Variants in LRP1B observed in about 807,000 individuals in gnomAD.
The protein encoded by LRP1B is low-density lipoprotein receptor-related protein 1B.
A neutral mutation model predicts 556.6 loss-of-function variants in LRP1B; 217 were observed. That is an observed-to-expected ratio of 0.39 (90% CI 0.35 to 0.44). LRP1B has a LOEUF of 0.44. Among genes scored for constraint, LRP1B ranks in the 20% least tolerant of loss-of-function variants. The pLI is 1.00. For missense variants in LRP1B, 5,053 were observed against 5,620.8 expected, an observed-to-expected ratio of 0.90 and a Z score of 3.23; for synonymous variants, 2,047 against 1,865.8, an observed-to-expected ratio of 1.10 and a Z score of -2.50.
rs781736067 is a variant in LRP1B, at chr2:140,234,836, C to G, written c.13609G>C (p.Ala4537Pro). The change falls in exon 90 of 91, where the codon GCG becomes CCG. Residue 4537 changes from alanine (A) to proline (P), a missense_variant. By Grantham distance (27) the Ala-to-Pro change is conservative. Around this residue, in one of 5 missense-constraint regions of LRP1B, gnomAD observed 551 missense variants for 592.0 expected, o/e 0.93. Coordinates refer to ENST00000389484, the MANE Select transcript of LRP1B (RefSeq NM_018557.3). ...GPSAFKLPHT[A>P]PPIYLNSDLK... ...TCAGAGTTTAGGTAGATGGGCGGCG[C>G]TGTGTGTGGAAGCTTGAAAGCACTG... is the stretch of plus-strand genomic sequence containing the variant. 1.0e-5 allele frequency: 8 copies of G among 775,752 alleles called. No homozygotes were observed. The East Asian group carries it at 1.5e-4, about 14-fold the overall frequency. 48.1% of individuals were successfully genotyped at this position (775,752 alleles called of 1,614,324 possible).
chr2:141,470,039 C>T (rs1682400276), intron 3 of LRP1B, among the ~76,000 whole-genome samples: 1 of 151,124 alleles, frequency 6.6e-6, no homozygotes, highest in South Asian at 2.2e-4. Flanking sequence ...ATAGAAAAAA[C>T]ATAGTCTGTA....
chr2:140,782,333 T>G (rs1003113667), intron 32 of LRP1B, among the ~76,000 whole-genome samples: 3 of 152,210 alleles, frequency 2.0e-5, no homozygotes, highest in Admixed American at 6.5e-5. Context: ...ATTTAATAAT[T>G]AAGTCTAAAC....
chr2:140,296,947 G>A (rs1385025181), intron 84 of LRP1B, among the ~76,000 whole-genome samples: 1 of 152,040 alleles, frequency 6.6e-6, no homozygotes, highest in Non-Finnish European at 1.5e-5. Flanking sequence ...AGTAAAATAA[G>A]GTTATTACAA....
At chr2:141,350,002 T>A (rs557512133) in intron 3 of LRP1B, among the ~76,000 whole-genome samples, 2 of 151,704 alleles carry the variant, frequency 1.3e-5, no homozygotes, top group African/African-American at 4.8e-5. Context: ...TGCCAGAAGG[T>A]GAAAACCACA....
chr2:141,106,637 A>T (rs1199238745), intron 7 of LRP1B, among the ~76,000 whole-genome samples: 1 of 152,146 alleles, frequency 6.6e-6, no homozygotes, highest in Non-Finnish European at 1.5e-5. Context: ...GTTTATCATG[A>T]CCTGTGCAGC....
At chr2:142,031,336 T>TCTAAAAAAAAAATGACATATTGTCAAC (rs1415365311) in intron 1 of LRP1B, among the ~76,000 whole-genome samples, 4 of 137,230 alleles carry the variant, frequency 2.9e-5, no homozygotes, top group East Asian at 2.4e-4. Flanking sequence ...ACTTATTTTT[T>TCTAAAAAAAAAATGACATATTGTCAAC]TTTTTTTTTT....
chr2:140,838,675 G>A (rs1691999642), intron 31 of LRP1B, among the ~76,000 whole-genome samples: 1 of 151,882 alleles, frequency 6.6e-6, no homozygotes, highest in Admixed American at 6.6e-5. Context: ...GTATTCAATT[G>A]AAACAAAATA....
At chr2:141,485,858 C>T (rs934229511) in intron 2 of LRP1B, among the ~76,000 whole-genome samples, 1 of 152,046 alleles carries the variant, frequency 6.6e-6, no homozygotes, top group Non-Finnish European at 1.5e-5. Context: ...TTGAACATTT[C>T]ACAGCCAGAG....
chr2:140,737,203 A>G (rs934851452), intron 35 of LRP1B, among the ~76,000 whole-genome samples: 2 of 152,146 alleles, frequency 1.3e-5, no homozygotes, highest in African/African-American at 4.8e-5. Context: ...AGGGAGAAGG[A>G]CCTTGCAACA....
chr2:141,515,595 A>T (rs1684284429), intron 2 of LRP1B, among the ~76,000 whole-genome samples: 2 of 152,032 alleles, frequency 1.3e-5, no homozygotes, highest in African/African-American at 4.8e-5. Context: ...TCATCTGACC[A>T]CTTACTCTAG....
chr2:141,797,071 C>A (rs1049256668), intron 2 of LRP1B, among the ~76,000 whole-genome samples: 1 of 147,154 alleles, frequency 6.8e-6, no homozygotes, highest in Admixed American at 6.9e-5. Context: ...GGATATAATT[C>A]TGTGACTCAT....
rs1687145899 is a variant in LRP1B, at chr2:140,457,366, T to A, written c.9814+97A>T. ...AAATAATTAAATCTAGTAATCTTCA[T>A]CAAAAATAAAATTACATTTAACCTT... is the stretch of plus-strand genomic sequence containing the variant. On this transcript the variant is annotated intron_variant, in intron 61 of 90. Coordinates refer to ENST00000389484, the MANE Select transcript of LRP1B (RefSeq NM_018557.3). 33 of 991,780 alleles carry A rather than the reference T, an allele frequency of 3.3e-5. 2 individuals carry two copies. In the South Asian group the frequency reaches 5.2e-4, roughly 16 times the overall value. The allele number at this position is 991,780 out of a possible 1,614,324, so 61.4% of individuals were successfully genotyped here.
chr2:140,983,893 C>T (rs1696844489), intron 17 of LRP1B, among the ~76,000 whole-genome samples: 1 of 151,774 alleles, frequency 6.6e-6, no homozygotes, highest in South Asian at 2.1e-4. Flanking sequence ...AACATGTATG[C>T]TTCTGAAGTT....
Position 140,815,836 on chromosome 2 carries a change from G to A in LRP1B, c.5210-2030C>T, listed in dbSNP as rs1012537260. ...CAATGCCAAGCAATTTAGTTAAGAGGGGGCTTCACAGAGGGAAGAATGTTG... is the reference window on the plus strand; with the variant it reads ...CAATGCCAAGCAATTTAGTTAAGAGAGGGCTTCACAGAGGGAAGAATGTTG... On this transcript the variant is annotated intron_variant, in intron 31 of 90. Coordinates refer to ENST00000389484, the MANE Select transcript of LRP1B (RefSeq NM_018557.3). 3.3e-5 allele frequency among the ~76,000 whole-genome samples: 5 copies of A among 149,502 alleles called. No homozygotes were observed. In the East Asian group the frequency reaches 1.0e-3, roughly 30 times the overall value.
chr2:141,153,014 A>G (rs1021699404), intron 7 of LRP1B, among the ~76,000 whole-genome samples: 2 of 150,602 alleles, frequency 1.3e-5, no homozygotes, highest in African/African-American at 4.9e-5. Context: ...TTTGATCTAC[A>G]AAAGATGATC....
rs540295593 is a variant in LRP1B at position 141,507,272 on chromosome 2, A to G, written c.206-26739T>C. The stretch of plus-strand genomic sequence containing the variant: ...CAGCTTACTATGGGAAAGATATACA[A>G]AAATGACTAACCCAGATTTTTGTTG... On this transcript the variant is annotated intron_variant, in intron 2 of 90. Coordinates refer to ENST00000389484, the MANE Select transcript of LRP1B (RefSeq NM_018557.3). Among the ~76,000 whole-genome samples the G allele has an allele frequency of 4.2e-3, 636 of 152,322 alleles. 4 individuals carry two copies. Among genetic ancestry groups the G allele is most frequent in the Non-Finnish European group, 6.7e-3 (454 of 68,010 alleles).
intron 2 of LRP1B, among the ~76,000 whole-genome samples, chr2:141,601,032 C>A (rs943888612): frequency 1.3e-5 from 2 of 152,166 alleles, no homozygotes; most frequent in African/African-American, 4.8e-5. Flanking sequence ...AGTCTATCCT[C>A]CTTCCTTAAA....
rs71281835 is a variant in LRP1B, at chr2:141,517,259, T to TACACACACACACACACACATACACAC, written c.206-36727_206-36726insGTGTGTATGTGTGTGTGTGTGTGTGT. Among the ~76,000 whole-genome samples, 13 of 141,416 alleles carry TACACACACACACACACACATACACAC rather than the reference T, an allele frequency of 9.2e-5. No homozygotes were observed. The South Asian group carries it at 9.4e-4, about 10-fold the overall frequency. The allele number at this position is 141,416 out of a possible 152,430, so 92.8% of individuals were successfully genotyped here. ...TGACCATGTCTTAGAAGGACAAGAA[T>TACACACACACACACACACATACACAC]ACGCACACACACAGACACACACACA... On this transcript the variant is annotated intron_variant, in intron 2 of 90. Coordinates refer to ENST00000389484, the MANE Select transcript of LRP1B (RefSeq NM_018557.3).
At chr2:142,046,103 T>C (rs1000502772) in intron 1 of LRP1B, among the ~76,000 whole-genome samples, 1 of 151,932 alleles carries the variant, frequency 6.6e-6, no homozygotes. Flanking sequence ...AAGTACTAAA[T>C]GACTTCTTAA....
Sources: gnomAD v4.1 joint callset for allele counts (sites outside exome capture counted in the v4.1 genomes callset) on GRCh38, gnomAD v4.1.1 for gene constraint, gnomAD v4.1.1 regional missense constraint, MANE v1.5 for transcripts, NCBI Gene and HGNC (gene_info 2026-07-23, HGNC 2026-07-21) for gene names.